CALR3: variants seen among roughly 807,000 people sequenced by gnomAD.
The protein encoded by CALR3 is calreticulin-3.
Under a neutral mutation model 48.7 loss-of-function variants are expected in CALR3, and 39 were observed. The observed-to-expected ratio is 0.80, with a 90% CI of 0.62 to 1.05. The LOEUF (loss-of-function observed/expected upper bound fraction) is 1.05. Among genes scored for constraint, CALR3 ranks in the 50% least tolerant of loss-of-function variants. The pLI is 0.00. For synonymous variants in CALR3, 185 were observed against 172.7 expected (o/e 1.07, Z -0.56); for missense variants, 449 against 474.7 (o/e 0.95, Z 0.50).
intron 2 of CALR3, among the ~76,000 whole-genome samples, chr19:16,492,511 A>G (rs1243695320): frequency 6.6e-6 from 1 of 152,032 alleles, no homozygotes; most frequent in Non-Finnish European, 1.5e-5. Context: ...CGGGCGGATC[A>G]CCTGAGGTTG....
chr19:16,492,468 C>T (rs938108844), intron 2 of CALR3, among the ~76,000 whole-genome samples: 3 of 151,980 alleles, frequency 2.0e-5, no homozygotes, highest in African/African-American at 7.2e-5. Flanking sequence ...CAGTGGCTCA[C>T]GCCTGTAATT....
chr19:16,484,173 C>G, intron 4 of CALR3, 58 bp from the exon 5 acceptor site: 2 of 1,315,926 alleles, frequency 1.5e-6, no homozygotes, highest in Non-Finnish European at 2.1e-6. Context: ...TTTTTCTTTT[C>G]TTTTCTTTTT....
intron 5 of CALR3, chr19:16,483,653 G>T (rs1483137276): frequency 5.7e-6 from 2 of 352,912 alleles, no homozygotes; most frequent in East Asian, 6.3e-5. Context: ...GGGAGGCGGA[G>T]GTTGCCGTGA....
chr19:16,479,191 C>A lies in CALR3; in HGVS notation c.1095G>T (p.Ser365=), dbSNP rs200844516. ...AATGTTCGTGCCTGTTAATTTTTCC[C>A]GACAGCAGCTCTTCCTCCTCTTCCT... is the stretch of plus-strand genomic sequence containing the variant. ...AREEEEEELL[S]GKINRHEHYF... Residue 365 remains serine (S), a synonymous_variant, in exon 9 of 9, where the codon TCG becomes TCT. Transcript: ENST00000269881. 7 of 1,613,938 alleles carry A rather than the reference C, an allele frequency of 4.3e-6. No individual in the cohort carries two copies. Among genetic ancestry groups the A allele is most frequent in the African/African-American group, 1.3e-5 (1 of 74,880 alleles).
chr19:16,487,481 C>CAAA (rs59647657), intron 3 of CALR3, among the ~76,000 whole-genome samples: 35 of 102,598 alleles, frequency 3.4e-4, no homozygotes, highest in South Asian at 6.8e-4. Context: ...TGTGTCTCCA[C>CAAA]AAAAAAAAAA....
intron 3 of CALR3, among the ~76,000 whole-genome samples, chr19:16,489,851 CAA>C (rs140126523): frequency 7.8e-6 from 1 of 127,812 alleles, no homozygotes; most frequent in Non-Finnish European, 1.7e-5. Flanking sequence ...AAAACAAAAA[CAA>C]AAACAAACAA....
At position 16,484,135 on chromosome 19, in the gene CALR3, A is replaced by C. The variant is rs2122131408; in HGVS notation, c.493-20T>G. Reference sequence around the variant, plus strand: ...ATCAACCTGCATATTTTAGGGGGAAAAGCGTAACAATTAAATCCTCAATTT... The same window carrying C: ...ATCAACCTGCATATTTTAGGGGGAACAGCGTAACAATTAAATCCTCAATTT... On this transcript the variant is annotated intron_variant, in intron 4 of 8. Transcript: ENST00000269881. The C allele has an allele frequency of 6.2e-7, 1 of 1,609,108 alleles. No homozygotes were observed. Among genetic ancestry groups the C allele is most frequent in the East Asian group, 2.2e-5 (1 of 44,848 alleles).
chr19:16,496,065 T>C lies in CALR3; in HGVS notation c.65A>G (p.Tyr22Cys), dbSNP rs964981557. 2.5e-6 allele frequency: 4 copies of C among 1,603,598 alleles called. No homozygotes were observed. The African/African-American group carries it at 4.0e-5, about 16-fold the overall frequency. The part of the protein sequence containing the change: ...CMLRVALATV[Y>C]FQEEFLDGEH... ...TCCGTCTAGAAATTCCTCTTGGAAA[T>C]AGACGGTAGCCAGCGCCACTCGCAG... is the stretch of plus-strand genomic sequence containing the variant. The change falls in exon 1 of 9, where the codon TAT (tyrosine) becomes TGT (cysteine). Residue 22 changes from tyrosine (Y) to cysteine (C), a missense_variant. Transcript: ENST00000269881.
intron 2 of CALR3, among the ~76,000 whole-genome samples, chr19:16,491,541 G>A (rs1050551706): frequency 1.3e-5 from 2 of 151,500 alleles, no homozygotes; most frequent in Admixed American, 1.3e-4. Flanking sequence ...CACTTTGGGA[G>A]GCTGAGGCAG....
rs555552031 is a variant in CALR3 at position 16,481,230 on chromosome 19, G to A, written c.919-524C>T. Among the ~76,000 whole-genome samples, 9 of 152,044 alleles carry A rather than the reference G, an allele frequency of 5.9e-5. No homozygotes were observed. In the Middle Eastern group the frequency reaches 0.01, roughly 172 times the overall value. On this transcript the variant is annotated intron_variant, in intron 7 of 8. Transcript: ENST00000269881. ...CCCAGTAGCTGGGACTATTACAGGC[G>A]TGAGCCATACTGTCCCTGGCTACTA...
At chr19:16,483,786 G>C (rs1286536730) in intron 5 of CALR3, 144 bp downstream of exon 5, 1 of 722,560 alleles carries the variant, frequency 1.4e-6, no homozygotes, top group East Asian at 2.7e-5. Flanking sequence ...AGATGTGGCT[G>C]GTCTGCAGTG....
At chr19:16,483,628 G>T (rs2122130433) in intron 5 of CALR3, 3 of 285,642 alleles carry the variant, frequency 1.1e-5, no homozygotes, top group South Asian at 3.5e-5. Flanking sequence ...TGAGGCAGGA[G>T]AATCACTTGA....
In CALR3 at chr19:16,480,645, T is replaced by C. The variant is rs1568484909; in HGVS notation, c.980A>G (p.Asn327Ser). Residue 327 changes from asparagine to serine, a missense_variant, in exon 8 of 9, where the codon AAT (asparagine) becomes AGT (serine). Coordinates refer to ENST00000269881, the MANE Select transcript of CALR3 (RefSeq NM_145046.5). ...TTCGCCCCAGGTGGCCTTGCCAAAA[T>C]TATCTGCGTACTCTTCATCATCTGT... is the stretch of plus-strand genomic sequence containing the variant. ...LITDDEEYAD[N>S]FGKATWGETK... The C allele has an allele frequency of 1.2e-6, 2 of 1,613,884 alleles. No individual in the cohort carries two copies. The highest frequency in any genetic ancestry group is 1.7e-5 in the Admixed American group (1 of 60,002).
chr19:16,490,713 A>T, intron 2 of CALR3, 143 bp from the exon 3 acceptor site: 1 of 780,996 alleles, frequency 1.3e-6, no homozygotes, highest in Non-Finnish European at 2.2e-6. Context: ...AGAGCATTAT[A>T]CAATAATGCA....
intron 4 of CALR3, 70 bp from the exon 5 acceptor site, chr19:16,484,185 T>TA (rs1268236655): frequency 6.9e-7 from 1 of 1,447,778 alleles, no homozygotes; most frequent in Admixed American, 2.2e-5. Flanking sequence ...TTTCTTTTTT[T>TA]TTTTTTTTTT....
At chr19:16,491,045 C>T (rs2093397194) in intron 2 of CALR3, among the ~76,000 whole-genome samples, 1 of 152,020 alleles carries the variant, frequency 6.6e-6, no homozygotes, top group South Asian at 2.1e-4. Flanking sequence ...CAGGTGTGAG[C>T]CAGCGTGCCT....
chr19:16,493,505 T>C (rs2093401083), intron 2 of CALR3, among the ~76,000 whole-genome samples: 1 of 151,782 alleles, frequency 6.6e-6, no homozygotes, highest in African/African-American at 2.4e-5. Flanking sequence ...CAGTTGTCCT[T>C]AAACTTTGAG....
At position 16,482,526 on chromosome 19, in the gene CALR3, T is replaced by C; in HGVS notation, c.842A>G (p.Lys281Arg). The C allele has an allele frequency of 6.2e-7, 1 of 1,614,224 alleles. No individual in the cohort carries two copies. The highest frequency in any genetic ancestry group is 8.5e-7 in the Non-Finnish European group (1 of 1,180,026). ...HKDVWLHRKM[K>R]NTDYLTQYDL... ...ATACTGCGTCAAATAGTCGGTATTC[T>C]TCATCTTACGGTGGAGCCAGACGTC... is the stretch of plus-strand genomic sequence containing the variant. The change falls in exon 7 of 9, where the codon AAG (lysine) becomes AGG (arginine). Residue 281 changes from lysine (K) to arginine (R), a missense_variant. By Grantham distance (26) the Lys-to-Arg change is conservative. Transcript: ENST00000269881.
chr19:16,479,204 T>TCC lies in CALR3; in HGVS notation c.1080_1081dup (p.Glu361GlyfsTer32). On this transcript the variant is annotated frameshift_variant, in exon 9 of 9. Transcript: ENST00000269881. LOFTEE classifies it low-confidence loss of function (END_TRUNC). ...GTTAATTTTTCCCGACAGCAGCTCT[T>TCC]CCTCCTCTTCCTCGCGGGCCTTCTT... The TCC allele has an allele frequency of 1.2e-6, 2 of 1,614,118 alleles. 1 individual carries two copies. Among genetic ancestry groups the TCC allele is most frequent in the Middle Eastern group, 3.3e-4 (2 of 6,062 alleles).
Sources: allele counts gnomAD v4.1 joint callset (sites outside exome capture counted in the v4.1 genomes callset), GRCh38; gene constraint gnomAD v4.1.1; transcripts MANE v1.5; gene names NCBI Gene and HGNC (gene_info 2026-07-23, HGNC 2026-07-21).